The following MTMR2 variants were observed in gnomAD, a reference collection of about 807,000 sequenced individuals.
The protein encoded by MTMR2 is phosphatidylinositol-3,5-bisphosphate 3-phosphatase MTMR2.
A neutral mutation model predicts 86.9 loss-of-function variants in MTMR2; 55 were observed. The ratio of observed to expected loss-of-function variants is 0.63; its 90% CI spans 0.51 to 0.79. MTMR2 has a LOEUF of 0.79. Ranked by LOEUF, MTMR2 falls within the 30% of genes least tolerant of loss-of-function variation. The pLI is 0.00. For missense variants in MTMR2, 659 were observed against 772.3 expected, an observed-to-expected ratio of 0.85 and a Z score of 1.74; for synonymous variants, 241 against 266.8, an observed-to-expected ratio of 0.90 and a Z score of 0.94.
chr11:95,900,018 T>C (rs1473660043), intron 1 of MTMR2, among the ~76,000 whole-genome samples: 1 of 151,970 alleles, frequency 6.6e-6, no homozygotes, highest in African/African-American at 2.4e-5. Flanking sequence ...GGGAAAAAAA[T>C]TCTAGAGGAA....
At chr11:95,870,492 GAA>G (rs1864814604) in intron 2 of MTMR2, among the ~76,000 whole-genome samples, 2 of 151,966 alleles carry the variant, frequency 1.3e-5, no homozygotes, top group South Asian at 4.2e-4. Context: ...AAATAAAGAG[GAA>G]TATGATACAT....
chr11:95,871,947 A>C (rs1864905816), intron 2 of MTMR2, among the ~76,000 whole-genome samples: 1 of 152,142 alleles, frequency 6.6e-6, no homozygotes, highest in Non-Finnish European at 1.5e-5. Context: ...TCAGCTTTCT[A>C]CATATGGCTA....
At chr11:95,844,557 A>G (rs889553380) in intron 11 of MTMR2, among the ~76,000 whole-genome samples, 1 of 152,170 alleles carries the variant, frequency 6.6e-6, no homozygotes, top group East Asian at 1.9e-4. Context: ...ATACCAAGGG[A>G]CAACTGTATA....
intron 5 of MTMR2, 99 bp from the exon 6 acceptor site, chr11:95,858,731 T>C (rs1864301314): frequency 2.5e-6 from 2 of 800,296 alleles, no homozygotes; most frequent in Non-Finnish European, 4.3e-6. Flanking sequence ...TTAAGATCTG[T>C]GAATGTGGGA....
chr11:95,913,533 G>T (rs1866587462), intron 1 of MTMR2, among the ~76,000 whole-genome samples: 1 of 152,092 alleles, frequency 6.6e-6, no homozygotes, highest in South Asian at 2.1e-4. Context: ...TGAAACCTAG[G>T]AAGTTAAATG....
intron 2 of MTMR2, among the ~76,000 whole-genome samples, chr11:95,878,907 A>C (rs921546463): frequency 6.6e-6 from 1 of 152,158 alleles, no homozygotes; most frequent in Non-Finnish European, 1.5e-5. Flanking sequence ...CAGTTTATGT[A>C]CTGTTTTTAG....
At chr11:95,841,838 G>A (rs1863561624) in intron 11 of MTMR2, 129 bp from the exon 12 acceptor site, 3 of 735,250 alleles carry the variant, frequency 4.1e-6, no homozygotes, top group South Asian at 2.9e-5. Context: ...GTTTACACCT[G>A]TAATCCCAAC....
chr11:95,923,674 G>A (rs1440377570), intron 1 of MTMR2: 1 of 1,426,728 alleles, frequency 7.0e-7, no homozygotes, highest in Non-Finnish European at 9.2e-7. Flanking sequence ...AATCGATAAA[G>A]AAGCAGCGAG....
intron 13 of MTMR2, among the ~76,000 whole-genome samples, chr11:95,836,827 A>C (rs2135403773): frequency 1.3e-5 from 2 of 152,128 alleles, no homozygotes; most frequent in African/African-American, 4.8e-5. Flanking sequence ...AGGCAAATCT[A>C]GAGACAAAAA....
chr11:95,909,702 T>C, intron 1 of MTMR2, among the ~76,000 whole-genome samples: 1 of 152,204 alleles, frequency 6.6e-6, no homozygotes, highest in East Asian at 1.9e-4. Context: ...ATGTACTAAA[T>C]ACTGGGGATA....
intron 14 of MTMR2, 128 bp downstream of exon 14, chr11:95,836,020 A>G (rs1863257360): frequency 1.2e-5 from 11 of 949,582 alleles, no homozygotes; most frequent in Non-Finnish European, 1.7e-5. Context: ...CTACTATACG[A>G]TTGTTAACTA....
intron 1 of MTMR2, among the ~76,000 whole-genome samples, chr11:95,902,218 T>C (rs1459830640): frequency 6.6e-6 from 1 of 152,180 alleles, no homozygotes; most frequent in African/African-American, 2.4e-5. Context: ...TAATTGGTTA[T>C]TTATTCAGCT....
At chr11:95,889,255 G>T (rs489649) in intron 1 of MTMR2, among the ~76,000 whole-genome samples, 91,395 of 151,332 alleles carry the variant, frequency 0.6, 29,725 homozygotes, top group African/African-American at 0.86. Context: ...TGTCTCAGAC[G>T]CCTGAGTAGC....
intron 1 of MTMR2, among the ~76,000 whole-genome samples, chr11:95,890,452 T>C (rs1200404693): frequency 6.6e-6 from 1 of 152,184 alleles, no homozygotes; most frequent in African/African-American, 2.4e-5. Context: ...TCCTTGTGGC[T>C]AGGAGAGCCA....
intron 2 of MTMR2, among the ~76,000 whole-genome samples, chr11:95,870,910 T>G (rs1476015218): frequency 6.7e-6 from 1 of 148,470 alleles, no homozygotes; most frequent in South Asian, 2.2e-4. Context: ...CAACAGGCCC[T>G]GGTGTGTGAT....
In MTMR2 at chr11:95,923,770, G is replaced by GGAATT. The variant is rs1392904008; in HGVS notation, c.80+104_80+105insAATTC. On this transcript the variant is annotated intron_variant, in intron 1 of 14. Coordinates refer to ENST00000346299, the MANE Select transcript of MTMR2 (RefSeq NM_016156.6). ...GTCCCGGGGAAGGAATTCCGGCGTA[G>GGAATT]CCTTCAGAAACCAGAATCCGCGAAT... is the stretch of plus-strand genomic sequence containing the variant. 302 of 1,499,286 alleles carry GGAATT rather than the reference G, an allele frequency of 2.0e-4. 1 individual carries two copies. Among genetic ancestry groups the GGAATT allele is most frequent in the Non-Finnish European group, 3.8e-5 (42 of 1,118,496 alleles). 92.9% of individuals were successfully genotyped at this position (1,499,286 alleles called of 1,614,324 possible).
chr11:95,919,370 C>T (rs113833307), intron 1 of MTMR2, among the ~76,000 whole-genome samples: 2 of 152,018 alleles, frequency 1.3e-5, no homozygotes, highest in African/African-American at 4.8e-5. Flanking sequence ...TGTGTACCCC[C>T]CCTTTGATTT....
At position 95,849,776 on chromosome 11, in the gene MTMR2, T is replaced by C; in HGVS notation, c.891A>G (p.Lys297=). The change falls in exon 9 of 15, where the codon AAA becomes AAG. Residue 297 remains lysine, a synonymous_variant. Coordinates refer to ENST00000346299, the MANE Select transcript of MTMR2 (RefSeq NM_016156.6). ...TAGCTTGAAGGTATTTTTCATCTTC[T>C]TTGCTTCGCTTTCCACTCACTCCAA... is the stretch of plus-strand genomic sequence containing the variant. ...PMVGVSGKRS[K]EDEKYLQAIM... 6.2e-7 allele frequency: 1 copy of C among 1,614,138 alleles called. No homozygotes were observed. The highest frequency in any genetic ancestry group is 8.5e-7 in the Non-Finnish European group (1 of 1,179,992).
At chr11:95,856,116 A>C (rs1864201631) in intron 7 of MTMR2, among the ~76,000 whole-genome samples, 1 of 152,144 alleles carries the variant, frequency 6.6e-6, no homozygotes, top group Admixed American at 6.5e-5. Flanking sequence ...GCATGCTACC[A>C]TATGCTTAAA....
Sources: gnomAD v4.1 joint callset for allele counts (sites outside exome capture counted in the v4.1 genomes callset) on GRCh38, gnomAD v4.1.1 for gene constraint, MANE v1.5 for transcripts, NCBI Gene and HGNC (gene_info 2026-07-23, HGNC 2026-07-21) for gene names.